ADAM18: variants seen among roughly 807,000 people sequenced by gnomAD.
ADAM18 encodes the protein disintegrin and metalloproteinase domain-containing protein 18.
A neutral mutation model predicts 94.4 loss-of-function variants in ADAM18; 117 were observed. The ratio of observed to expected loss-of-function variants is 1.24; its 90% CI spans 1.07 to 1.45. The LOEUF (loss-of-function observed/expected upper bound fraction) is 1.45, where lower values mean the gene tolerates loss of function less well. Among genes scored for constraint, ADAM18 ranks in the 40% most tolerant of loss-of-function variants. The pLI is 0.00. For synonymous variants in ADAM18, 327 were observed against 291.6 expected (o/e 1.12, Z -1.24); for missense variants, 936 against 880.0 (o/e 1.06, Z -0.81).
chr8:39,718,913 ATC>A (rs1056470100), intron 18 of ADAM18, among the ~76,000 whole-genome samples: 71 of 151,548 alleles, frequency 4.7e-4, no homozygotes, highest in African/African-American at 1.6e-3. Flanking sequence ...AAGAGCAGAA[ATC>A]TCTAAATTTG....
chr8:39,678,657 C>G (rs929578599), intron 15 of ADAM18, among the ~76,000 whole-genome samples: 2 of 151,984 alleles, frequency 1.3e-5, no homozygotes, highest in Non-Finnish European at 2.9e-5. Flanking sequence ...TAATCTTCTT[C>G]CTGATGTCCA....
At chr8:39,594,406 A>G (rs1050965383) in intron 2 of ADAM18, among the ~76,000 whole-genome samples, 12 of 152,084 alleles carry the variant, frequency 7.9e-5, no homozygotes, top group African/African-American at 2.7e-4. Context: ...TTTCCCCTCT[A>G]TGTTTTTTGT....
chr8:39,598,206 C>A (rs561680151), intron 2 of ADAM18, among the ~76,000 whole-genome samples: 1 of 152,046 alleles, frequency 6.6e-6, no homozygotes, highest in South Asian at 2.1e-4. Flanking sequence ...ACAATCTTTT[C>A]ATCTATGAAC....
chr8:39,682,971 T>G (rs530585955), intron 16 of ADAM18, among the ~76,000 whole-genome samples: 2 of 152,326 alleles, frequency 1.3e-5, no homozygotes, highest in South Asian at 4.1e-4. Flanking sequence ...TCTTCTTCTG[T>G]TCACTCCCTT....
intron 2 of ADAM18, among the ~76,000 whole-genome samples, chr8:39,597,297 A>T (rs1221020922): frequency 6.6e-6 from 1 of 152,074 alleles, no homozygotes; most frequent in Non-Finnish European, 1.5e-5. Context: ...CAGTTTATCA[A>T]TTATTTATTC....
intron 18 of ADAM18, among the ~76,000 whole-genome samples, chr8:39,717,704 A>AT (rs952680999): frequency 6.6e-6 from 1 of 151,720 alleles, no homozygotes; most frequent in African/African-American, 2.4e-5. Flanking sequence ...CTTGGCAATG[A>AT]TTTCATTGTG....
At chr8:39,670,788 G>A (rs1430591917) in intron 14 of ADAM18, among the ~76,000 whole-genome samples, 6 of 152,242 alleles carry the variant, frequency 3.9e-5, no homozygotes, top group Non-Finnish European at 7.3e-5. Context: ...CTGTCATCAA[G>A]TAGTCTTCAG....
At chr8:39,627,741 C>G (rs1271316405) in intron 6 of ADAM18, among the ~76,000 whole-genome samples, 4 of 152,060 alleles carry the variant, frequency 2.6e-5, no homozygotes, top group Non-Finnish European at 5.9e-5. Context: ...ATGTGAGATA[C>G]TGTTCCAGTC....
intron 6 of ADAM18, among the ~76,000 whole-genome samples, chr8:39,611,897 T>G (rs1819284503): frequency 6.6e-6 from 1 of 152,052 alleles, no homozygotes; most frequent in Admixed American, 6.5e-5. Flanking sequence ...AAAGCAAACA[T>G]TTTTAACAGA....
intron 6 of ADAM18, among the ~76,000 whole-genome samples, chr8:39,614,674 A>C (rs538831835): frequency 1.3e-5 from 2 of 152,206 alleles, no homozygotes; most frequent in East Asian, 3.9e-4. Context: ...GGCAGGTTGC[A>C]TGAAGAAGCA....
chr8:39,589,676 T>G (rs1005097417), intron 2 of ADAM18, among the ~76,000 whole-genome samples: 1 of 151,718 alleles, frequency 6.6e-6, no homozygotes, highest in African/African-American at 2.4e-5. Context: ...ATTATTAATA[T>G]TTTTATTAGA....
chr8:39,687,660 A>AT (rs1353696689), intron 16 of ADAM18, among the ~76,000 whole-genome samples: 4 of 152,088 alleles, frequency 2.6e-5, no homozygotes, highest in Admixed American at 1.3e-4. Context: ...CTATTGTTCC[A>AT]TTTTTTTACT....
At chr8:39,681,291 AAC>A (rs1246653868) in intron 16 of ADAM18, among the ~76,000 whole-genome samples, 2 of 152,152 alleles carry the variant, frequency 1.3e-5, no homozygotes, top group Admixed American at 6.5e-5. Context: ...CCCTCAGTTC[AAC>A]AGCCTGTGAG....
chr8:39,586,396 T>C (rs1417129194), intron 2 of ADAM18, among the ~76,000 whole-genome samples: 2 of 152,214 alleles, frequency 1.3e-5, no homozygotes, highest in African/African-American at 2.4e-5. Flanking sequence ...AATCTTTAAT[T>C]TTTAACTCCA....
intron 2 of ADAM18, among the ~76,000 whole-genome samples, chr8:39,599,134 A>T (rs1022771983): frequency 1.3e-5 from 2 of 152,120 alleles, no homozygotes; most frequent in South Asian, 2.1e-4. Flanking sequence ...TGCCTTTTCC[A>T]TGTCTATTGA....
intron 2 of ADAM18, among the ~76,000 whole-genome samples, chr8:39,598,261 T>A (rs1042759878): frequency 2.0e-5 from 3 of 152,102 alleles, no homozygotes; most frequent in East Asian, 3.9e-4. Flanking sequence ...ATACCTTTTC[T>A]TATTGCATTG....
At chr8:39,712,069 T>A (rs558252368) in intron 18 of ADAM18, among the ~76,000 whole-genome samples, 1 of 97,554 alleles carries the variant, frequency 1.0e-5, no homozygotes, top group Non-Finnish European at 2.1e-5. Flanking sequence ...AGATAAAAGA[T>A]AAGAAAAACA....
At chr8:39,631,018 A>AT (rs1430686947) in intron 7 of ADAM18, among the ~76,000 whole-genome samples, 1 of 151,894 alleles carries the variant, frequency 6.6e-6, no homozygotes, top group Admixed American at 6.6e-5. Context: ...TACTATTTGG[A>AT]TTTTTTGAAG....
chr8:39,671,967 A>G (rs1038603454), intron 14 of ADAM18, among the ~76,000 whole-genome samples: 1 of 151,996 alleles, frequency 6.6e-6, no homozygotes, highest in African/African-American at 2.4e-5. Context: ...GGGGGTATTT[A>G]TTGTTTTGGA....
Sources: allele counts gnomAD v4.1 joint callset (sites outside exome capture counted in the v4.1 genomes callset), GRCh38; gene constraint gnomAD v4.1.1; transcripts MANE v1.5; gene names NCBI Gene and HGNC (gene_info 2026-07-23, HGNC 2026-07-21).